MDGA2: variants seen among roughly 807,000 people sequenced by gnomAD.
The protein encoded by MDGA2 is MAM domain-containing glycosylphosphatidylinositol anchor protein 2.
In MDGA2, 40 loss-of-function variants were observed where a neutral mutation model predicts 117.8. The ratio of observed to expected loss-of-function variants is 0.34; its 90% confidence interval spans 0.26 to 0.44. MDGA2 has a LOEUF of 0.44. Among genes scored for constraint, MDGA2 ranks in the 20% least tolerant of loss-of-function variants. MDGA2 has a pLI of 1.00. For synonymous variants in MDGA2, 452 were observed against 439.0 expected (o/e 1.03, Z -0.37); for missense variants, 1,123 against 1,250.6 (o/e 0.90, Z 1.54).
intron 12 of MDGA2, 28 bp from the exon 13 acceptor site, chr14:46,874,228 A>C (rs746186299): frequency 1.8e-6 from 2 of 1,087,830 alleles, no homozygotes; most frequent in Non-Finnish European, 2.5e-6. Context: ...TTAAATTAAT[A>C]TTAATTAAAT....
intron 1 of MDGA2, among the ~76,000 whole-genome samples, chr14:47,408,238 T>C (rs1338220357): frequency 2.0e-5 from 3 of 151,992 alleles, no homozygotes; most frequent in Admixed American, 6.6e-5. Context: ...GTACTTTTAG[T>C]AGAGACAGGG....
chr14:46,866,386 T>C (rs2138340254), intron 14 of MDGA2, among the ~76,000 whole-genome samples: 2 of 152,128 alleles, frequency 1.3e-5, no homozygotes, highest in East Asian at 3.9e-4. Context: ...TATACAAAAA[T>C]CAATTAAAGA....
chr14:47,393,773 A>G (rs1370331984), intron 1 of MDGA2, among the ~76,000 whole-genome samples: 1 of 152,168 alleles, frequency 6.6e-6, no homozygotes, highest in Non-Finnish European at 1.5e-5. Flanking sequence ...CCATCTTTCA[A>G]TAGTAAGAAA....
intron 9 of MDGA2, among the ~76,000 whole-genome samples, chr14:46,936,196 A>G (rs1235372745): frequency 6.6e-6 from 1 of 151,882 alleles, no homozygotes; most frequent in African/African-American, 2.4e-5. Flanking sequence ...GTTCATGTCT[A>G]CAATTTCGTT....
chr14:46,968,013 T>G (rs1195137825), intron 8 of MDGA2, among the ~76,000 whole-genome samples: 1 of 152,150 alleles, frequency 6.6e-6, no homozygotes, highest in East Asian at 1.9e-4. Context: ...ATCCGAAGCA[T>G]GAGAAAACCG....
chr14:47,392,086 T>C (rs563542368), intron 1 of MDGA2, among the ~76,000 whole-genome samples: 1 of 152,228 alleles, frequency 6.6e-6, no homozygotes, highest in African/African-American at 2.4e-5. Flanking sequence ...TTCAAACTTT[T>C]AACACTCAGA....
chr14:47,394,917 C>T (rs1891973886), intron 1 of MDGA2, among the ~76,000 whole-genome samples: 1 of 152,070 alleles, frequency 6.6e-6, no homozygotes, highest in African/African-American at 2.4e-5. Flanking sequence ...ATCTGGGAGG[C>T]TGAGGTGGGA....
intron 1 of MDGA2, among the ~76,000 whole-genome samples, chr14:47,639,240 A>C (rs1897379004): frequency 6.6e-6 from 1 of 152,156 alleles, no homozygotes; most frequent in Admixed American, 6.5e-5. Context: ...CTTAGAATGT[A>C]AGCTCCATGT....
At chr14:46,987,839 G>A (rs553752423) in intron 8 of MDGA2, among the ~76,000 whole-genome samples, 1 of 151,194 alleles carries the variant, frequency 6.6e-6, no homozygotes, top group South Asian at 2.1e-4. Context: ...CCTCAGAAGG[G>A]GACATCTTCC....
chr14:46,862,628 A>T (rs902437462), intron 14 of MDGA2, among the ~76,000 whole-genome samples: 14 of 151,864 alleles, frequency 9.2e-5, no homozygotes, highest in African/African-American at 3.1e-4. Flanking sequence ...ATTAATTTGC[A>T]ATTTGGTATA....
chr14:47,470,344 T>C (rs1412734330), intron 1 of MDGA2, among the ~76,000 whole-genome samples: 1 of 148,798 alleles, frequency 6.7e-6, no homozygotes, highest in Non-Finnish European at 1.5e-5. Flanking sequence ...CAACTCTCAC[T>C]TATAGGTGCG....
chr14:47,103,897 A>G (rs1281837967), intron 5 of MDGA2, among the ~76,000 whole-genome samples: 1 of 152,166 alleles, frequency 6.6e-6, no homozygotes, highest in Non-Finnish European at 1.5e-5. Flanking sequence ...CATCTACTAG[A>G]TATCAGGCCC....
chr14:47,071,608 G>A (rs138424688), intron 6 of MDGA2, among the ~76,000 whole-genome samples: 44 of 151,494 alleles, frequency 2.9e-4, no homozygotes, highest in Non-Finnish European at 5.4e-4. Context: ...AAGTCAAAAT[G>A]CTGGTGGTAT....
rs1011345753 is a variant in MDGA2, at chr14:47,258,037, T to C, written c.421-39842A>G. 1.4e-4 allele frequency among the ~76,000 whole-genome samples: 22 copies of C among 152,186 alleles called. 1 individual carries two copies. Among genetic ancestry groups the C allele is most frequent in the Admixed American group, 1.3e-3 (20 of 15,272 alleles). On this transcript the variant is annotated intron_variant, in intron 2 of 16. Coordinates refer to ENST00000399232, the MANE Select transcript of MDGA2 (RefSeq NM_001113498.3). ...TATACAATCTGATACTCAATATCTT[T>C]CACTGAAAAATATGAAAGCACTGCC...
chr14:47,226,446 T>G (rs867084742), intron 2 of MDGA2, among the ~76,000 whole-genome samples: 2 of 152,074 alleles, frequency 1.3e-5, no homozygotes, highest in South Asian at 4.1e-4. Context: ...TTCCGATCCT[T>G]TTTTCCCTTT....
At chr14:47,529,453 C>G (rs1345446120) in intron 1 of MDGA2, among the ~76,000 whole-genome samples, 2 of 151,780 alleles carry the variant, frequency 1.3e-5, no homozygotes, top group Admixed American at 6.6e-5. Context: ...ATGAAGTATC[C>G]CCCCCCTCAG....
chr14:47,142,376 G>C (rs1043110021), intron 4 of MDGA2, among the ~76,000 whole-genome samples: 2 of 152,126 alleles, frequency 1.3e-5, no homozygotes, highest in African/African-American at 4.8e-5. Flanking sequence ...CCCTGAGGCA[G>C]AAGTTGCAGT....
At chr14:46,865,836 G>GATGT (rs1246958841) in intron 14 of MDGA2, among the ~76,000 whole-genome samples, 1 of 151,714 alleles carries the variant, frequency 6.6e-6, no homozygotes, top group East Asian at 1.9e-4. Flanking sequence ...ACTTACAAGG[G>GATGT]ATGTGAAGGA....
At chr14:47,216,242 C>A (rs188433223) in intron 3 of MDGA2, among the ~76,000 whole-genome samples, 1 of 151,948 alleles carries the variant, frequency 6.6e-6, no homozygotes, top group Non-Finnish European at 1.5e-5. Flanking sequence ...ACTTGTTAAC[C>A]CAGCAATAAG....
Sources: gnomAD v4.1 joint callset for allele counts (sites outside exome capture counted in the v4.1 genomes callset) on GRCh38, gnomAD v4.1.1 for gene constraint, MANE v1.5 for transcripts, NCBI Gene and HGNC (gene_info 2026-07-23, HGNC 2026-07-21) for gene names.